Variants in MFHAS1 observed in about 807,000 individuals in gnomAD.
MFHAS1 encodes multifunctional ROCO family signaling regulator 1, also known as malignant fibrous histiocytoma-amplified sequence 1.
MFHAS1 carries 50 observed loss-of-function variants against 70.4 expected under a neutral mutation model. The observed-to-expected ratio is 0.71, with a 90% CI of 0.57 to 0.90. The LOEUF is 0.90. MFHAS1 is among the 40% of genes least tolerant of loss of function. MFHAS1 has a pLI of 0.00. For synonymous variants in MFHAS1, 952 were observed against 620.0 expected (o/e 1.54, Z -7.96); for missense variants, 1,795 against 1,347.6 (o/e 1.33, Z -5.20).
At chr8:8,840,459 T>C (rs1012422975) in intron 1 of MFHAS1, among the ~76,000 whole-genome samples, 242 of 35,464 alleles carry the variant, frequency 6.8e-3, no homozygotes, top group African/African-American at 0.029. Context: ...TCCATCTCAA[T>C]ACAAAAAAAA....
intron 1 of MFHAS1, chr8:8,821,708 T>C (rs1034732124): frequency 1.3e-4 from 20 of 152,252 alleles, no homozygotes; most frequent in African/African-American, 3.9e-4. Flanking sequence ...TAGCAGATAC[T>C]ACGCAGGTTT....
intron 1 of MFHAS1, among the ~76,000 whole-genome samples, chr8:8,865,739 G>C (rs1010575076): frequency 1.3e-5 from 2 of 152,180 alleles, no homozygotes; most frequent in African/African-American, 4.8e-5. Flanking sequence ...TATTAAACCA[G>C]GCAGCCACTT....
At chr8:8,840,488 G>C (rs563336971) in intron 1 of MFHAS1, among the ~76,000 whole-genome samples, 29 of 150,682 alleles carry the variant, frequency 1.9e-4, no homozygotes, top group African/African-American at 7.1e-4. Flanking sequence ...AAAAAGAATG[G>C]TTCATTACCA....
At position 8,785,053 on chromosome 8, in the gene MFHAS1, G is replaced by A. The variant is rs532717450; in HGVS notation, c.*969C>T. ...AAAGAGCTCTGCTAATAAGTAATAT[G>A]TTTGCAAAGTGCTCTGCTAAGTAAG... On this transcript the variant is annotated 3_prime_UTR_variant, in exon 3 of 3. Coordinates refer to ENST00000276282, the MANE Select transcript of MFHAS1 (RefSeq NM_004225.3). 2.0e-5 allele frequency: 3 copies of A among 152,174 alleles called. No homozygotes were observed. Among genetic ancestry groups the A allele is most frequent in the Non-Finnish European group, 4.4e-5 (3 of 68,030 alleles). 9.4% of individuals were successfully genotyped at this position (152,174 alleles called of 1,614,324 possible). A position where few individuals can be genotyped will look rare whatever the true frequency, so the allele number is the denominator to read the frequency against.
chr8:8,786,602 C>T (rs760640195), intron 2 of MFHAS1, among the ~76,000 whole-genome samples: 8 of 151,964 alleles, frequency 5.3e-5, no homozygotes, highest in Admixed American at 3.3e-4. Flanking sequence ...GCAAATAAAG[C>T]GGGATTCAGT....
chr8:8,828,754 G>A lies in MFHAS1; in HGVS notation c.2999-31263C>T, dbSNP rs373638783. On this transcript the variant is annotated intron_variant, in intron 1 of 2. Transcript: ENST00000276282. Reference sequence around the variant, plus strand: ...CCTTTATCTGTGCAGTCCTCACGGCGTGCATAGCCTGGAAAGAGCTGGCCC... The same window carrying A: ...CCTTTATCTGTGCAGTCCTCACGGCATGCATAGCCTGGAAAGAGCTGGCCC... 1.4e-4 allele frequency among the ~76,000 whole-genome samples: 21 copies of A among 152,320 alleles called. No homozygotes were observed. The South Asian group carries it at 4.1e-3, about 30-fold the overall frequency.
rs551630955 is a variant in MFHAS1, at chr8:8,821,369, G to A, written c.2999-23878C>T. Among the ~76,000 whole-genome samples the A allele has an allele frequency of 2.4e-3, 367 of 152,270 alleles. 2 individuals are homozygous for A. The highest frequency in any genetic ancestry group is 3.4e-3 in the Non-Finnish European group (229 of 68,026). ...TTTGGTTCTTGGATTTCATCACGCC[G>A]AATTTTACAGAATGCAAGTAAGTAT... is the stretch of plus-strand genomic sequence containing the variant. On this transcript the variant is annotated intron_variant, in intron 1 of 2. Coordinates refer to ENST00000276282, the MANE Select transcript of MFHAS1 (RefSeq NM_004225.3).
chr8:8,805,882 G>C (rs1309209878), intron 1 of MFHAS1, among the ~76,000 whole-genome samples: 1 of 151,482 alleles, frequency 6.6e-6, no homozygotes, highest in Non-Finnish European at 1.5e-5. Flanking sequence ...ATTTTTAGTA[G>C]AGATGGGGTT....
At position 8,828,773 on chromosome 8, in the gene MFHAS1, C is replaced by G. The variant is rs990569460; in HGVS notation, c.2999-31282G>C. ...CACGGCGTGCATAGCCTGGAAAGAG[C>G]TGGCCCCTAATGAATAAGCATTGAG... On this transcript the variant is annotated intron_variant, in intron 1 of 2. Coordinates refer to ENST00000276282, the MANE Select transcript of MFHAS1 (RefSeq NM_004225.3). Among the ~76,000 whole-genome samples, 4 of 152,344 alleles carry G rather than the reference C, an allele frequency of 2.6e-5. No individual in the cohort carries two copies. The East Asian group carries it at 5.8e-4, about 22-fold the overall frequency.
At chr8:8,883,131 C>T (rs13260641) in intron 1 of MFHAS1, among the ~76,000 whole-genome samples, 29,511 of 151,876 alleles carry the variant, frequency 0.19, 3,338 homozygotes, top group African/African-American at 0.31. Flanking sequence ...CCAGCCTGGG[C>T]GCCAGAGCAA....
intron 1 of MFHAS1, among the ~76,000 whole-genome samples, chr8:8,812,023 AC>A (rs1806567366): frequency 6.6e-6 from 1 of 152,208 alleles, no homozygotes; most frequent in Admixed American, 6.5e-5. Flanking sequence ...GGAAGTGGTC[AC>A]CCTGCTTTGC....
At chr8:8,878,740 G>A (rs1339509398) in intron 1 of MFHAS1, among the ~76,000 whole-genome samples, 1 of 151,912 alleles carries the variant, frequency 6.6e-6, no homozygotes, top group African/African-American at 2.4e-5. Context: ...GCTTGTTCTA[G>A]AGACCTAAAA....
chr8:8,803,356 A>G, intron 1 of MFHAS1, among the ~76,000 whole-genome samples: 1 of 151,712 alleles, frequency 6.6e-6, no homozygotes, highest in Non-Finnish European at 1.5e-5. Context: ...TTCTCTACTA[A>G]AAAGATGAAA....
chr8:8,828,504 G>A (rs1367245764), intron 1 of MFHAS1, among the ~76,000 whole-genome samples: 1 of 152,170 alleles, frequency 6.6e-6, no homozygotes, highest in Non-Finnish European at 1.5e-5. Context: ...ACAGAAAGAA[G>A]GTAACAGCCC....
intron 1 of MFHAS1, among the ~76,000 whole-genome samples, chr8:8,862,970 A>G (rs1487150324): frequency 4.6e-5 from 7 of 152,222 alleles, no homozygotes; most frequent in Non-Finnish European, 2.9e-5. Flanking sequence ...GTAAGACTGT[A>G]TATTTTTAGC....
chr8:8,806,428 T>C (rs1022825209), intron 1 of MFHAS1, among the ~76,000 whole-genome samples: 4 of 152,162 alleles, frequency 2.6e-5, no homozygotes, highest in Non-Finnish European at 5.9e-5. Context: ...TTTGGAGAAA[T>C]TTCCCCAGCG....
intron 1 of MFHAS1, among the ~76,000 whole-genome samples, chr8:8,821,168 G>A (rs1210331414): frequency 6.6e-6 from 1 of 152,190 alleles, no homozygotes; most frequent in Admixed American, 6.5e-5. Context: ...CAGCTGCCAG[G>A]TGGAAACGGA....
chr8:8,823,377 G>GCTGGA (rs1807038255), intron 1 of MFHAS1, among the ~76,000 whole-genome samples: 1 of 152,116 alleles, frequency 6.6e-6, no homozygotes, highest in South Asian at 2.1e-4. Flanking sequence ...AGAGTAAGGA[G>GCTGGA]CTGGACACGG....
chr8:8,787,176 G>C (rs1016371189), intron 2 of MFHAS1, among the ~76,000 whole-genome samples: 1 of 151,840 alleles, frequency 6.6e-6, no homozygotes, highest in African/African-American at 2.4e-5. Context: ...CGCCTCCTGG[G>C]TTCATGCCAT....
Sources: gnomAD v4.1 joint callset for allele counts (sites outside exome capture counted in the v4.1 genomes callset) on GRCh38, gnomAD v4.1.1 for gene constraint, MANE v1.5 for transcripts, NCBI Gene and HGNC (gene_info 2026-07-23, HGNC 2026-07-21) for gene names.